ENTREP2: variants seen among roughly 807,000 people sequenced by gnomAD.
The protein encoded by ENTREP2 is protein ENTREP2.
At chr15:29,457,440 A>C in the ENTREP2 span, among the ~76,000 whole-genome samples, 6 of 152,214 alleles carry the variant, frequency 3.9e-5, no homozygotes, top group Non-Finnish European at 8.8e-5. Flanking sequence ...TGTCCCTTGC[A>C]GAGTCTTCCA....
the ENTREP2 span, among the ~76,000 whole-genome samples, chr15:29,673,115 G>A: frequency 6.6e-6 from 1 of 152,082 alleles, no homozygotes; most frequent in African/African-American, 2.4e-5. Flanking sequence ...TAATGGTGCT[G>A]GTAGGAGTGT....
the ENTREP2 span, among the ~76,000 whole-genome samples, chr15:29,372,934 CT>C: frequency 6.6e-6 from 1 of 151,976 alleles, no homozygotes; most frequent in African/African-American, 2.4e-5. Context: ...AAGTTAGAGT[CT>C]TCATACCATA....
chr15:29,557,832 C>A, the ENTREP2 span, among the ~76,000 whole-genome samples: 1 of 152,216 alleles, frequency 6.6e-6, no homozygotes, highest in Non-Finnish European at 1.5e-5. Context: ...TCACTGGGAA[C>A]TCTCAGGAAT....
chr15:29,608,479 G>C, the ENTREP2 span, among the ~76,000 whole-genome samples: 1 of 151,370 alleles, frequency 6.6e-6, no homozygotes, highest in African/African-American at 2.4e-5. Context: ...GGAATTCCTA[G>C]GGGCTCGACT....
At chr15:29,157,494 A>T in the ENTREP2 span, among the ~76,000 whole-genome samples, 1 of 152,192 alleles carries the variant, frequency 6.6e-6, no homozygotes, top group Non-Finnish European at 1.5e-5. Context: ...TAGAAAACTG[A>T]CAGATTTATC....
chr15:29,466,431 T>A, the ENTREP2 span, among the ~76,000 whole-genome samples: 4 of 126,856 alleles, frequency 3.2e-5, no homozygotes, highest in African/African-American at 6.1e-5. Flanking sequence ...AGGACACTGC[T>A]GCACCCAGGG....
chr15:29,207,258 T>C, the ENTREP2 span, among the ~76,000 whole-genome samples: 4 of 152,290 alleles, frequency 2.6e-5, no homozygotes, highest in Admixed American at 6.5e-5. Flanking sequence ...ACTGGCATTG[T>C]GTCCAGAATT....
At chr15:29,319,079 C>G in the ENTREP2 span, among the ~76,000 whole-genome samples, 46 of 152,316 alleles carry the variant, frequency 3.0e-4, no homozygotes, top group Middle Eastern at 6.8e-3. Context: ...TTGCCATCTG[C>G]ACTGCATACT....
At chr15:29,294,729 G>A in the ENTREP2 span, among the ~76,000 whole-genome samples, 1,219 of 152,344 alleles carry the variant, frequency 8.0e-3, 23 homozygotes, top group African/African-American at 0.028. Context: ...TTCCAGCAAC[G>A]TGGTTGACAG....
At chr15:29,378,113 G>A in the ENTREP2 span, among the ~76,000 whole-genome samples, 1 of 151,850 alleles carries the variant, frequency 6.6e-6, no homozygotes, top group Non-Finnish European at 1.5e-5. Context: ...AGTCAGAGAG[G>A]TTTGGGTTCA....
At chr15:29,140,906 T>C in the ENTREP2 span, among the ~76,000 whole-genome samples, 2 of 152,224 alleles carry the variant, frequency 1.3e-5, no homozygotes, top group African/African-American at 4.8e-5. Flanking sequence ...CACCTGTGTC[T>C]GGTGCCCAGC....
At chr15:29,445,768 C>T in the ENTREP2 span, among the ~76,000 whole-genome samples, 6 of 152,304 alleles carry the variant, frequency 3.9e-5, no homozygotes, top group African/African-American at 1.2e-4. Context: ...GTTGTGAGAA[C>T]CCCAATTTAT....
chr15:29,121,266 G>A, the ENTREP2 span: 1 of 152,316 alleles, frequency 6.6e-6, no homozygotes, highest in Admixed American at 6.5e-5. Flanking sequence ...GCAGGCTGAG[G>A]GGGTCCAGTA....
the ENTREP2 span, among the ~76,000 whole-genome samples, chr15:29,217,569 T>C: frequency 1.3e-5 from 2 of 152,212 alleles, no homozygotes; most frequent in Admixed American, 6.5e-5. Context: ...CAGAGCACTT[T>C]GCATTTCTAT....
the ENTREP2 span, among the ~76,000 whole-genome samples, chr15:29,541,641 A>T: frequency 6.6e-6 from 1 of 152,176 alleles, no homozygotes; most frequent in Admixed American, 6.5e-5. Flanking sequence ...TGTCTTAGAA[A>T]AAAGGAATGA....
the ENTREP2 span, among the ~76,000 whole-genome samples, chr15:29,132,206 G>C: frequency 7.2e-5 from 11 of 152,186 alleles, no homozygotes; most frequent in Admixed American, 6.5e-4. Context: ...CTGCGGGGTC[G>C]TGCTGTGAAG....
chr15:29,490,327 A>C, the ENTREP2 span, among the ~76,000 whole-genome samples: 2 of 152,218 alleles, frequency 1.3e-5, no homozygotes, highest in African/African-American at 4.8e-5. Context: ...GGTAATACAG[A>C]GCCTAAGAGT....
chr15:29,339,992 G>T, the ENTREP2 span, among the ~76,000 whole-genome samples: 1 of 152,122 alleles, frequency 6.6e-6, no homozygotes. Context: ...TTTCTAGCTG[G>T]GTATATTTCA....
chr15:29,660,283 A>G, the ENTREP2 span, among the ~76,000 whole-genome samples: 1 of 152,198 alleles, frequency 6.6e-6, no homozygotes. Context: ...GGACTTTTAA[A>G]ATGTGATTCA....
Sources: gnomAD v4.1 joint callset for allele counts (sites outside exome capture counted in the v4.1 genomes callset) on GRCh38, gnomAD v4.1.1 for gene constraint, MANE v1.5 for transcripts, NCBI Gene and HGNC (gene_info 2026-07-23, HGNC 2026-07-21) for gene names.